Variants in COMP observed in about 807,000 individuals in gnomAD.
The protein encoded by COMP is cartilage oligomeric matrix protein (pseudoachondroplasia, epiphyseal dysplasia 1, multiple).
Under a neutral mutation model 95.8 loss-of-function variants are expected in COMP, and 79 were observed. The observed-to-expected ratio is 0.82, with a 90% CI of 0.69 to 0.99. The LOEUF is 0.99. Ranked by LOEUF, COMP falls within the 50% of genes least tolerant of loss-of-function variation. The pLI, the probability that COMP is intolerant of heterozygous loss-of-function variation, is 0.00. For missense variants in COMP, 906 were observed against 1,076.1 expected, an observed-to-expected ratio of 0.84 and a Z score of 2.21; for synonymous variants, 438 against 433.9, an observed-to-expected ratio of 1.01 and a Z score of -0.12.
chr19:18,790,180 A>G (rs1156775746), intron 3 of COMP, 66 bp from the exon 4 acceptor site: 2 of 1,266,060 alleles, frequency 1.6e-6, no homozygotes, highest in Admixed American at 2.4e-5. Context: ...AGAGCCTATC[A>G]TGGCCACGCC....
At chr19:18,790,241 C>G (rs1295019540) in intron 3 of COMP, 127 bp from the exon 4 acceptor site, 2 of 724,098 alleles carry the variant, frequency 2.8e-6, no homozygotes, top group Admixed American at 3.2e-5. Context: ...CGGGGCGGCC[C>G]GAAATCCTGC....
chr19:18,789,207 G>A lies in COMP; in HGVS notation c.481C>T (p.Pro161Ser). Residue 161 changes from proline to serine, a missense_variant, in exon 5 of 19, where the codon CCC becomes TCC. Pro to Ser is a moderately conservative substitution (Grantham distance 74). Transcript: ENST00000222271. This position sits in a 1 kb window ranked among gnomAD's most constrained non-coding sequence, Gnocchi z 6.1. Reference protein sequence around the residue: ...CEACPPGYSGPTHQGVGLAFA... With the variant: ...CEACPPGYSGSTHQGVGLAFA... ...GCCAGCCCCACGCCCTGGTGGGTGG[G>A]GCCGCTGTACCCCGGCGGGCAAGCC... The A allele has an allele frequency of 6.4e-7, 1 of 1,552,916 alleles. No individual in the cohort carries two copies.
At chr19:18,785,427 G>T (rs1365083943) in intron 15 of COMP, 71 bp downstream of exon 15, 1 of 1,589,248 alleles carries the variant, frequency 6.3e-7, no homozygotes, top group South Asian at 1.1e-5. Context: ...CTCAGCCCGG[G>T]CCTGCCCCTT....
At position 18,791,220 on chromosome 19, in the gene COMP, C is replaced by G. The variant is rs944149003; in HGVS notation, c.50G>C (p.Gly17Ala). Residue 17 changes from glycine to alanine, a missense_variant, in exon 1 of 19, where the codon GGC (glycine) becomes GCC (alanine). Coordinates refer to ENST00000222271, the MANE Select transcript of COMP (RefSeq NM_000095.3). The stretch of plus-strand genomic sequence containing the variant: ...CGGGCTCTGGCCCTGTCCGGACGCG[C>G]CGAGGGCAGCCAGGGTGAGCAGAAG... ...CVLLLTLAAL[G>A]ASGQGQSPLG... 3 of 1,595,348 alleles carry G rather than the reference C, an allele frequency of 1.9e-6. No homozygotes were observed. The highest frequency in any genetic ancestry group is 2.6e-6 in the Non-Finnish European group (3 of 1,172,644).
intron 9 of COMP, 41 bp from the exon 10 acceptor site, chr19:18,787,691 AG>A (rs1244410525): frequency 6.2e-7 from 1 of 1,610,116 alleles, no homozygotes; most frequent in South Asian, 1.1e-5. Flanking sequence ...CAGGTCGAGA[AG>A]GCAAAGGTCA....
rs751846896 is a variant in COMP at position 18,785,508 on chromosome 19, GC to G, written c.1706del (p.Gly569AlafsTer20). 6.2e-7 allele frequency: 1 copy of G among 1,613,788 alleles called. No individual in the cohort carries two copies. Among genetic ancestry groups the G allele is most frequent in the African/African-American group, 1.3e-5 (1 of 75,032 alleles). The part of the protein sequence containing the change: ...EIVQTMNSDP[G>X]LAVGYTAFNG... ...CTCCCCGCTTCTCACCCACAGCCAG[GC>G]CTGGGTCGCTGTTCATTGTCTGCAC... On this transcript the variant is annotated frameshift_variant, in exon 15 of 19. Transcript: ENST00000222271. LOFTEE classifies it high-confidence loss of function.
chr19:18,784,417 C>T lies in COMP; in HGVS notation c.1915-54G>A, dbSNP rs1161587147. The T allele has an allele frequency of 6.2e-7, 1 of 1,602,526 alleles. No homozygotes were observed. Among genetic ancestry groups the T allele is most frequent in the Admixed American group, 1.7e-5 (1 of 59,806 alleles). On this transcript the variant is annotated intron_variant, in intron 16 of 18. Transcript: ENST00000222271. This position sits in a 1 kb window ranked among gnomAD's most constrained non-coding sequence, Gnocchi z 4.9. ...GACCTCGTGGGCCACCGGAGCCCCC[C>T]TAGACACCTTCCTGGAGAGACAGTT...
chr19:18,782,807 G>T lies in COMP; in HGVS notation c.*108C>A. On this transcript the variant is annotated 3_prime_UTR_variant, in exon 19 of 19. Transcript: ENST00000222271. ...ACACACTTTATTTTGTCCTCTCTGAGCCCTTCTCACTTCCCCCTCAGGACG... is the reference window on the plus strand; with the variant it reads ...ACACACTTTATTTTGTCCTCTCTGATCCCTTCTCACTTCCCCCTCAGGACG... The T allele has an allele frequency of 8.0e-7, 1 of 1,251,162 alleles. No individual in the cohort carries two copies. The allele number at this position is 1,251,162 out of a possible 1,614,324, so 77.5% of individuals were successfully genotyped here.
intron 9 of COMP, among the ~76,000 whole-genome samples, chr19:18,787,878 C>CTT (rs1601056480): frequency 4.9e-5 from 4 of 81,432 alleles, no homozygotes; most frequent in African/African-American, 1.7e-4. Flanking sequence ...TTCTTTCTTT[C>CTT]TTTCTTTCTT....
At position 18,788,915 on chromosome 19, in the gene COMP, T is replaced by C. The variant is rs1010796800; in HGVS notation, c.529-2A>G. The C allele has an allele frequency of 6.2e-7, 1 of 1,613,308 alleles. No homozygotes were observed. ...ACACTCGTTGATGTCCGTGCAAACC[T>C]AGGGGAGGGGAACTCAGAGGTCACC... On this transcript the variant is annotated splice_acceptor_variant, in intron 5 of 18. Transcript: ENST00000222271. LOFTEE classifies it high-confidence loss of function. This position sits in a 1 kb window ranked among gnomAD's most constrained non-coding sequence, Gnocchi z 4.7.
rs1056931275 is a variant in COMP at position 18,784,887 on chromosome 19, C to T, written c.1914+9G>A. 1 of 1,613,344 alleles carries T rather than the reference C, an allele frequency of 6.2e-7. No homozygotes were observed. Among genetic ancestry groups the T allele is most frequent in the Non-Finnish European group, 8.5e-7 (1 of 1,179,914 alleles). ...GACCGCAGAGGTCAGGCACGGACGG[C>T]CCTGGCACCTTGAGTTGGATGCCAG... On this transcript the variant is annotated intron_variant, in intron 16 of 18. Coordinates refer to ENST00000222271, the MANE Select transcript of COMP (RefSeq NM_000095.3). This position sits in a 1 kb window ranked among gnomAD's most constrained non-coding sequence, Gnocchi z 4.9.
rs747790659 is a variant in COMP at position 18,783,147 on chromosome 19, C to A, written c.2134G>T (p.Val712Phe). 1.2e-6 allele frequency: 2 copies of A among 1,610,446 alleles called. No homozygotes were observed. The highest frequency in any genetic ancestry group is 1.7e-5 in the Admixed American group (1 of 60,010). ...CCACCCCGCATGGTTGTGTCCAAGA[C>A]CACGTTGCTGTCGGCCACCAGCTCA... ...GPELVADSNV[V>F]LDTTMRGGRL... is the part of the protein sequence containing the mutation. Residue 712 changes from valine (V) to phenylalanine (F), a missense_variant, in exon 18 of 19, where the codon GTC becomes TTC. Transcript: ENST00000222271.
In COMP at chr19:18,788,668, C is replaced by T. The variant is rs201319844; in HGVS notation, c.686G>A (p.Cys229Tyr). 290 of 1,544,240 alleles carry T rather than the reference C, an allele frequency of 1.9e-4. No individual in the cohort carries two copies. The highest frequency in any genetic ancestry group is 7.3e-5 in the Non-Finnish European group (84 of 1,145,826). ...GCACTCGCTGGGCGAGCCGTCGGGGCAGAAGCGCTGTGCGCGCCGCTGGCA... is the reference window on the plus strand; with the variant it reads ...GCACTCGCTGGGCGAGCCGTCGGGGTAGAAGCGCTGTGCGCGCCGCTGGCA... ...SGCQRRAQRF[C>Y]PDGSPSECHE... The change falls in exon 7 of 19, where the codon TGC becomes TAC. Residue 229 changes from cysteine (C) to tyrosine (Y), a missense_variant. Coordinates refer to ENST00000222271, the MANE Select transcript of COMP (RefSeq NM_000095.3). The surrounding 1 kb of genome is among the most constrained non-coding windows in gnomAD (Gnocchi z 4.7).
In COMP at chr19:18,788,982, T is replaced by C. The variant is rs2055191039; in HGVS notation, c.529-69A>G. On this transcript the variant is annotated intron_variant, in intron 5 of 18. Transcript: ENST00000222271. This position sits in a 1 kb window ranked among gnomAD's most constrained non-coding sequence, Gnocchi z 4.7. ...TCCGGACCTCCCACCTCCTCCACAC[T>C]TCCTCCGCATCCTGCCTCTCCCCTC... is the stretch of plus-strand genomic sequence containing the variant. 1.3e-6 allele frequency: 2 copies of C among 1,570,476 alleles called. No individual in the cohort carries two copies. The highest frequency in any genetic ancestry group is 2.7e-5 in the African/African-American group (2 of 74,172).
rs572643545 is a variant in COMP at position 18,784,456 on chromosome 19, G to C, written c.1915-93C>G. The stretch of plus-strand genomic sequence containing the variant: ...GGAGAGACAGTTGGGAGCAGCAGGT[G>C]GTGGGCGGCCAGGGGGATCCGGATG... On this transcript the variant is annotated intron_variant, in intron 16 of 18. Coordinates refer to ENST00000222271, the MANE Select transcript of COMP (RefSeq NM_000095.3). The surrounding 1 kb of genome is among the most constrained non-coding windows in gnomAD (Gnocchi z 4.9). 7.4e-6 allele frequency: 11 copies of C among 1,478,798 alleles called. No homozygotes were observed. Among genetic ancestry groups the C allele is most frequent in the South Asian group, 3.5e-5 (3 of 86,628 alleles). 91.6% of individuals were successfully genotyped at this position (1,478,798 alleles called of 1,614,324 possible). A position where few individuals can be genotyped will look rare whatever the true frequency, so the allele number is the denominator to read the frequency against.
Position 18,789,407 on chromosome 19 carries a change from G to T in COMP, c.391-110C>A. 2 of 1,191,084 alleles carry T rather than the reference G, an allele frequency of 1.7e-6. No individual in the cohort carries two copies. 73.8% of individuals were successfully genotyped at this position (1,191,084 alleles called of 1,614,324 possible). A position where few individuals can be genotyped will look rare whatever the true frequency, so the allele number is the denominator to read the frequency against. On this transcript the variant is annotated intron_variant, in intron 4 of 18. Coordinates refer to ENST00000222271, the MANE Select transcript of COMP (RefSeq NM_000095.3). This position sits in a 1 kb window ranked among gnomAD's most constrained non-coding sequence, Gnocchi z 6.1. ...GTTCAAGGGCCATATGCCAGTGCTT[G>T]GAGCTCTGAGATGGAAGCAATTGTC...
At chr19:18,790,449 G>A in intron 3 of COMP, 113 bp downstream of exon 3, 1 of 1,354,214 alleles carries the variant, frequency 7.4e-7, no homozygotes, top group Non-Finnish European at 1.1e-6. Context: ...CTCTCCGTCA[G>A]CCTCCATCTC....
Position 18,783,641 on chromosome 19 carries a change from C to T in COMP, c.2088-448G>A, listed in dbSNP as rs547495705. 8.9e-4 allele frequency among the ~76,000 whole-genome samples: 134 copies of T among 150,302 alleles called. 1 individual carries two copies. Among genetic ancestry groups the T allele is most frequent in the African/African-American group, 3.0e-3 (121 of 40,774 alleles). On this transcript the variant is annotated intron_variant, in intron 17 of 18. Coordinates refer to ENST00000222271, the MANE Select transcript of COMP (RefSeq NM_000095.3). ...TTTTTTTTTTTGAGACAGAGTCTCA[C>T]TCTTGTCACCCATGCTGGAGTGCAA... is the stretch of plus-strand genomic sequence containing the variant.
At position 18,784,917 on chromosome 19, in the gene COMP, G is replaced by A. The variant is rs755456322; in HGVS notation, c.1893C>T (p.Ala631=). The A allele has an allele frequency of 1.9e-6, 3 of 1,613,758 alleles. No homozygotes were observed. The highest frequency in any genetic ancestry group is 2.5e-6 in the Non-Finnish European group (3 of 1,179,976). The stretch of plus-strand genomic sequence containing the variant: ...GCACCTTGAGTTGGATGCCAGGCTC[G>A]GCCACAGCACGGAAGGGGTTCGCCT... ...YWQANPFRAV[A]EPGIQLKAVK... Residue 631 remains alanine, a synonymous_variant, in exon 16 of 19, where the codon GCC becomes GCT. Transcript: ENST00000222271. This position sits in a 1 kb window ranked among gnomAD's most constrained non-coding sequence, Gnocchi z 4.9.
Sources: allele counts gnomAD v4.1 joint callset (sites outside exome capture counted in the v4.1 genomes callset), GRCh38; gene constraint gnomAD v4.1.1; non-coding constraint Gnocchi (gnomAD v3.1); transcripts MANE v1.5; gene names NCBI Gene and HGNC (gene_info 2026-07-23, HGNC 2026-07-21).